Variants in YY1 observed in about 807,000 individuals in gnomAD.
YY1 encodes the protein transcriptional repressor protein YY1.
In YY1, 2 loss-of-function variants were observed where a neutral mutation model predicts 35.6. The ratio of observed to expected loss-of-function variants is 0.06; its 90% CI spans 0.02 to 0.18. The LOEUF (loss-of-function observed/expected upper bound fraction) is 0.18, where lower values mean the gene tolerates loss of function less well. Among genes scored for constraint, YY1 ranks in the 10% least tolerant of loss-of-function variants. The pLI is 1.00. For missense variants in YY1, 322 were observed against 573.4 expected, an observed-to-expected ratio of 0.56 and a Z score of 4.48; for synonymous variants, 268 against 238.9, an observed-to-expected ratio of 1.12 and a Z score of -1.12.
At chr14:100,246,048 T>A (rs972734296) in intron 1 of YY1, among the ~76,000 whole-genome samples, 10 of 152,214 alleles carry the variant, frequency 6.6e-5, no homozygotes, top group Admixed American at 6.5e-4. Context: ...ATCTTGAGAT[T>A]TCAGGTGGTG....
intron 1 of YY1, among the ~76,000 whole-genome samples, chr14:100,255,246 T>A (rs1386702521): frequency 2.0e-5 from 3 of 152,118 alleles, no homozygotes; most frequent in African/African-American, 7.2e-5. Flanking sequence ...TACGAGAATG[T>A]ACAATAACCA....
intron 1 of YY1, among the ~76,000 whole-genome samples, chr14:100,257,976 AAT>A (rs1240044441): frequency 1.3e-5 from 2 of 152,092 alleles, no homozygotes; most frequent in African/African-American, 4.8e-5. Flanking sequence ...CTCTACAAAA[AAT>A]AAAATTAGCT....
chr14:100,274,658 C>A (rs373254235), intron 2 of YY1, 40 bp from the exon 3 acceptor site: 2 of 1,580,754 alleles, frequency 1.3e-6, no homozygotes. Flanking sequence ...AGTCTACCCA[C>A]TCCTACAAAT....
In YY1 at chr14:100,281,061, C is replaced by CAAA. The variant is rs36009825; in HGVS notation, c.*3485_*3487dup. ...GGTGACAGAGCAAGACTCCGTCTCC[C>CAAA]AAAAAAAAAAAAAAAAAAAAAAAAA... On this transcript the variant is annotated 3_prime_UTR_variant, in exon 5 of 5. Transcript: ENST00000262238. 3.0e-5 allele frequency: 3 copies of CAAA among 100,882 alleles called. No homozygotes were observed. The highest frequency in any genetic ancestry group is 3.2e-4 in the South Asian group (1 of 3,098). 6.2% of individuals were successfully genotyped at this position (100,882 alleles called of 1,614,324 possible). A position where few individuals can be genotyped will look rare whatever the true frequency, so the allele number is the denominator to read the frequency against.
chr14:100,249,754 T>TG (rs1555369506), intron 1 of YY1, among the ~76,000 whole-genome samples: 2 of 95,596 alleles, frequency 2.1e-5, no homozygotes, highest in African/African-American at 1.0e-4. Flanking sequence ...TACCGTTTTT[T>TG]TTTTTGTTTG....
intron 2 of YY1, among the ~76,000 whole-genome samples, chr14:100,267,908 A>G (rs1057094718): frequency 6.6e-6 from 1 of 152,242 alleles, no homozygotes; most frequent in Admixed American, 6.5e-5. Flanking sequence ...GTTTGCACCT[A>G]GGTGCCCTGT....
chr14:100,244,589 C>A (rs904615758), intron 1 of YY1, among the ~76,000 whole-genome samples: 7 of 133,334 alleles, frequency 5.2e-5, no homozygotes, highest in African/African-American at 1.9e-4. Flanking sequence ...CCACCCCTTA[C>A]TTTTTTTTTT....
In YY1 at chr14:100,280,404, T is replaced by A. The variant is rs1263663690; in HGVS notation, c.*2804T>A. On this transcript the variant is annotated 3_prime_UTR_variant, in exon 5 of 5. Transcript: ENST00000262238. ...GGATAAGTTTACACTTAACAAGATG[T>A]TGTTTTCTATTTTTGAATTTCTTAT... 1 of 152,164 alleles carries A rather than the reference T, an allele frequency of 6.6e-6. No individual in the cohort carries two copies. The highest frequency in any genetic ancestry group is 2.1e-4 in the South Asian group (1 of 4,830). The allele number at this position is 152,164 out of a possible 1,614,324, so 9.4% of individuals were successfully genotyped here.
chr14:100,248,382 A>G (rs1350448860), intron 1 of YY1, among the ~76,000 whole-genome samples: 1 of 152,066 alleles, frequency 6.6e-6, no homozygotes, highest in East Asian at 1.9e-4. Context: ...TTGGCCTCCC[A>G]AAGTGCTGGG....
At chr14:100,248,121 C>CTTTTCTT (rs772049697) in intron 1 of YY1, among the ~76,000 whole-genome samples, 4 of 117,660 alleles carry the variant, frequency 3.4e-5, no homozygotes, top group African/African-American at 6.9e-5. Flanking sequence ...ATTTTTTTTT[C>CTTTTCTT]TTTTTTTTTT....
chr14:100,271,536 C>T (rs1349812037), intron 2 of YY1, among the ~76,000 whole-genome samples: 1 of 152,178 alleles, frequency 6.6e-6, no homozygotes, highest in Non-Finnish European at 1.5e-5. Flanking sequence ...TGCTTAGGAA[C>T]AGTAGCACTT....
At chr14:100,251,000 AAG>A (rs781716156) in intron 1 of YY1, among the ~76,000 whole-genome samples, 1 of 152,126 alleles carries the variant, frequency 6.6e-6, no homozygotes, top group Non-Finnish European at 1.5e-5. Flanking sequence ...CTCAAATGAA[AAG>A]AGAGAGAGAG....
intron 1 of YY1, among the ~76,000 whole-genome samples, chr14:100,249,813 G>A (rs538417738): frequency 7.1e-6 from 1 of 140,978 alleles, no homozygotes; most frequent in African/African-American, 2.7e-5. Context: ...TTGCTCTGTC[G>A]CCCAGACTGG....
At chr14:100,241,866 C>T (rs1338996019) in intron 1 of YY1, among the ~76,000 whole-genome samples, 2 of 148,620 alleles carry the variant, frequency 1.3e-5, no homozygotes, top group Admixed American at 7.0e-5. Flanking sequence ...CCCAGCTACT[C>T]GGGAGGCTGA....
chr14:100,259,169 A>G (rs1333150093), intron 1 of YY1, among the ~76,000 whole-genome samples: 2 of 152,164 alleles, frequency 1.3e-5, no homozygotes, highest in Non-Finnish European at 2.9e-5. Context: ...CGGAGTACCT[A>G]TTTCTAATTT....
chr14:100,246,832 C>T (rs1263792043), intron 1 of YY1, among the ~76,000 whole-genome samples: 5 of 152,160 alleles, frequency 3.3e-5, no homozygotes, highest in African/African-American at 4.8e-5. Context: ...TGGAGCCAAG[C>T]TCAAAAAGCC....
intron 1 of YY1, among the ~76,000 whole-genome samples, chr14:100,240,649 C>T (rs907872349): frequency 2.2e-4 from 34 of 152,366 alleles, no homozygotes; most frequent in African/African-American, 7.5e-4. Flanking sequence ...GCACGTAGGG[C>T]TCGCGTGTGC....
Position 100,239,370 on chromosome 14 carries a change from C to T in YY1, c.126C>T (p.Gly42=), listed in dbSNP as rs1566765531. ...AGACCATCGAGACCACAGTGGTGGG[C>T]GAGGAGGAGGAGGAGGACGACGACG... The part of the protein sequence containing the change: ...PVETIETTVV[G]EEEEEDDDDE... Residue 42 remains glycine (G), a synonymous_variant, in exon 1 of 5, where the codon GGC becomes GGT. Transcript: ENST00000262238. 1 of 1,590,050 alleles carries T rather than the reference C, an allele frequency of 6.3e-7. No homozygotes were observed. Among genetic ancestry groups the T allele is most frequent in the Admixed American group, 1.7e-5 (1 of 57,940 alleles).
chr14:100,241,978 A>AG (rs5810986), intron 1 of YY1, among the ~76,000 whole-genome samples: 5,732 of 87,582 alleles, frequency 0.065, 601 homozygotes, highest in African/African-American at 0.099. Context: ...CTGTCTCAAA[A>AG]GGGGGGGGGG....
Sources: allele counts gnomAD v4.1 joint callset (sites outside exome capture counted in the v4.1 genomes callset), GRCh38; gene constraint gnomAD v4.1.1; transcripts MANE v1.5; gene names NCBI Gene and HGNC (gene_info 2026-07-23, HGNC 2026-07-21).